ARK2N: variants seen among roughly 807,000 people sequenced by gnomAD.
The protein encoded by ARK2N is arkadia (RNF111) N-terminal like PKA signaling regulator 2N.
chr18:46,208,893 A>C, the ARK2N span, among the ~76,000 whole-genome samples: 1 of 152,234 alleles, frequency 6.6e-6, no homozygotes, highest in Non-Finnish European at 1.5e-5. Flanking sequence ...TATGCATTTC[A>C]TAGGGGTAAT....
At chr18:46,219,194 A>G in the ARK2N span, 1 of 152,222 alleles carries the variant, frequency 6.6e-6, no homozygotes. Context: ...TCTGGGCAAC[A>G]GATGTTTATG....
chr18:46,227,752 C>T, the ARK2N span, among the ~76,000 whole-genome samples: 3 of 152,064 alleles, frequency 2.0e-5, no homozygotes, highest in Non-Finnish European at 4.4e-5. Context: ...CATGTGCTAC[C>T]ATGCCTGGCT....
chr18:46,250,197 T>C, the ARK2N span, among the ~76,000 whole-genome samples: 1 of 152,128 alleles, frequency 6.6e-6, no homozygotes, highest in Non-Finnish European at 1.5e-5. Flanking sequence ...GCTTACTCCG[T>C]GATAGTTTCA....
the ARK2N span, among the ~76,000 whole-genome samples, chr18:46,213,536 ACTCCCTC>A: frequency 6.6e-6 from 1 of 151,548 alleles, no homozygotes; most frequent in African/African-American, 2.4e-5. Context: ...TTTAACTGTT[ACTCCCTC>A]TGTTGGCTTT....
At chr18:46,231,877 C>T in the ARK2N span, 1 of 152,042 alleles carries the variant, frequency 6.6e-6, no homozygotes, top group Non-Finnish European at 1.5e-5. Flanking sequence ...GCCTCAGCTA[C>T]CCGAGTAGCT....
the ARK2N span, among the ~76,000 whole-genome samples, chr18:46,179,782 C>T: frequency 5.9e-5 from 9 of 152,102 alleles, no homozygotes; most frequent in South Asian, 2.1e-4. Flanking sequence ...TGTGCTGCCA[C>T]GCCTGCCTAA....
the ARK2N span, chr18:46,217,197 TA>T: frequency 1.3e-5 from 2 of 153,030 alleles, no homozygotes; most frequent in Non-Finnish European, 2.9e-5. Flanking sequence ...CCCCAAGTTT[TA>T]AAAAAGTTTG....
At chr18:46,221,135 C>CA in the ARK2N span, among the ~76,000 whole-genome samples, 1 of 149,620 alleles carries the variant, frequency 6.7e-6, no homozygotes, top group South Asian at 2.1e-4. Flanking sequence ...GACTCTGTCT[C>CA]AAAAAAATCC....
At chr18:46,203,280 T>C in the ARK2N span, among the ~76,000 whole-genome samples, 8 of 152,184 alleles carry the variant, frequency 5.3e-5, no homozygotes, top group South Asian at 2.1e-4. Flanking sequence ...AATTGTGATA[T>C]AGTTATACAG....
the ARK2N span, among the ~76,000 whole-genome samples, chr18:46,207,756 T>G: frequency 1.2e-4 from 19 of 152,200 alleles, no homozygotes; most frequent in Admixed American, 3.9e-4. Context: ...TTGTTTTAGA[T>G]CCTGTCAGTT....
chr18:46,209,077 G>A, the ARK2N span, among the ~76,000 whole-genome samples: 7 of 152,262 alleles, frequency 4.6e-5, no homozygotes, highest in South Asian at 1.5e-3. Context: ...GTAGTTGGAG[G>A]GAGCTAGGGT....
chr18:46,263,019 G>A, the ARK2N span: 3 of 1,614,216 alleles, frequency 1.9e-6, no homozygotes, highest in African/African-American at 4.0e-5. Flanking sequence ...GGCAAACACA[G>A]TCATGGACTG....
chr18:46,240,187 G>A, the ARK2N span: 2 of 1,614,092 alleles, frequency 1.2e-6, no homozygotes, highest in East Asian at 4.5e-5. Flanking sequence ...TGCAGAGGCA[G>A]GTTGGTCTTC....
At chr18:46,258,212 C>T in the ARK2N span, among the ~76,000 whole-genome samples, 3 of 152,266 alleles carry the variant, frequency 2.0e-5, no homozygotes, top group South Asian at 6.2e-4. Context: ...AGGCGTGAGC[C>T]ACCATGCCCA....
the ARK2N span, chr18:46,218,250 C>CTT: frequency 6.6e-6 from 1 of 152,184 alleles, no homozygotes; most frequent in Non-Finnish European, 1.5e-5. Context: ...AATTGAGTAT[C>CTT]TTGACCACTG....
the ARK2N span, among the ~76,000 whole-genome samples, chr18:46,204,659 AAAAT>A: frequency 6.6e-6 from 1 of 152,346 alleles, no homozygotes; most frequent in Admixed American, 6.5e-5. Flanking sequence ...TTGGTAATAT[AAAAT>A]AAATAGATGC....
chr18:46,189,361 ATTC>A, the ARK2N span, among the ~76,000 whole-genome samples: 1 of 152,260 alleles, frequency 6.6e-6, no homozygotes, highest in African/African-American at 2.4e-5. Context: ...CAAAAGGTGT[ATTC>A]TTGTGTATTT....
At chr18:46,206,170 C>T in the ARK2N span, among the ~76,000 whole-genome samples, 3 of 151,868 alleles carry the variant, frequency 2.0e-5, no homozygotes, top group Non-Finnish European at 4.4e-5. Context: ...ACTGCAGCCT[C>T]AACCTCTGAG....
chr18:46,206,442 T>C, the ARK2N span, among the ~76,000 whole-genome samples: 1 of 152,310 alleles, frequency 6.6e-6, no homozygotes, highest in South Asian at 2.1e-4. Flanking sequence ...AAGAGTGGTC[T>C]TCAGCCCCAT....
Sources: gnomAD v4.1 joint callset for allele counts (sites outside exome capture counted in the v4.1 genomes callset) on GRCh38, gnomAD v4.1.1 for gene constraint, MANE v1.5 for transcripts, NCBI Gene and HGNC (gene_info 2026-07-23, HGNC 2026-07-21) for gene names.